PPP2R3B: variants seen among roughly 807,000 people sequenced by gnomAD.
PPP2R3B encodes the protein serine/threonine-protein phosphatase 2A regulatory subunit B'' subunit beta.
A neutral mutation model predicts 72.9 loss-of-function variants in PPP2R3B; 68 were observed. The ratio of observed to expected loss-of-function variants is 0.93; its 90% CI spans 0.77 to 1.14. The LOEUF is 1.14. PPP2R3B is among the 50% of genes most tolerant of loss of function. PPP2R3B has a pLI of 0.00. For missense variants in PPP2R3B, 1,018 were observed against 842.0 expected (o/e 1.21, Z -2.59); for synonymous variants, 466 against 375.8 (o/e 1.24, Z -2.78).
intron 2 of PPP2R3B, among the ~76,000 whole-genome samples, chrX:350,174 G>T (rs1347767543): frequency 1.3e-5 from 2 of 152,176 alleles, no homozygotes; most frequent in Non-Finnish European, 2.9e-5. Context: ...GAGAGCAAGG[G>T]AAGGAAGTGA....
chrX:380,063 C>G, intron 1 of PPP2R3B, among the ~76,000 whole-genome samples: 1 of 152,272 alleles, frequency 6.6e-6, no homozygotes, highest in Admixed American at 6.5e-5. Context: ...TCACCTCATA[C>G]CACGCAGAAA....
chrX:352,778 C>A (rs957110762), intron 2 of PPP2R3B, among the ~76,000 whole-genome samples: 1 of 151,674 alleles, frequency 6.6e-6, no homozygotes, highest in Non-Finnish European at 1.5e-5. Context: ...CAACCACGGC[C>A]GGCAAGTTCA....
chrX:364,605 C>A (rs909167434), intron 1 of PPP2R3B, among the ~76,000 whole-genome samples: 1 of 148,246 alleles, frequency 6.7e-6, no homozygotes, highest in African/African-American at 2.5e-5. Context: ...GTACTCCCAG[C>A]TACTCGGGAG....
intron 2 of PPP2R3B, among the ~76,000 whole-genome samples, chrX:352,419 G>C (rs1272912147): frequency 6.6e-6 from 1 of 152,220 alleles, no homozygotes; most frequent in African/African-American, 2.4e-5. Flanking sequence ...CGTGGCTCCA[G>C]TTCACCTTTT....
intron 1 of PPP2R3B, among the ~76,000 whole-genome samples, chrX:384,515 G>A (rs750583479): frequency 4.0e-5 from 6 of 151,864 alleles, no homozygotes; most frequent in South Asian, 2.1e-4. Context: ...GGCTGGTCTC[G>A]AACTCCTGAA....
intron 1 of PPP2R3B, among the ~76,000 whole-genome samples, chrX:376,890 G>A (rs1203708149): frequency 2.3e-5 from 2 of 85,974 alleles, no homozygotes; most frequent in Admixed American, 1.0e-4. Flanking sequence ...GGGACGGGCC[G>A]TCCACACCCA....
chrX:364,355 C>G (rs764926471), intron 1 of PPP2R3B, among the ~76,000 whole-genome samples: 9 of 152,016 alleles, frequency 5.9e-5, no homozygotes, highest in South Asian at 2.1e-4. Flanking sequence ...GCAAACCAAA[C>G]TCACGGTCAC....
chrX:366,621 A>C (rs867987983), intron 1 of PPP2R3B, among the ~76,000 whole-genome samples: 6 of 8,288 alleles, frequency 7.2e-4, no homozygotes, highest in Non-Finnish European at 1.1e-3. Flanking sequence ...TCGCTTCAAC[A>C]CAGGAGGCAG....
In PPP2R3B at chrX:338,844, G is replaced by A. The variant is rs760872546; in HGVS notation, c.1404C>T (p.Phe468=). The A allele has an allele frequency of 4.5e-5, 73 of 1,612,340 alleles. 1 individual carries two copies. Among genetic ancestry groups the A allele is most frequent in the Admixed American group, 2.7e-4 (16 of 60,002 alleles). Residue 468 remains phenylalanine, a synonymous_variant, in exon 11 of 13, where the codon TTC becomes TTT. Coordinates refer to ENST00000390665, the MANE Select transcript of PPP2R3B (RefSeq NM_013239.5). ...LKRCKLANVF[F]DTFFNIEKYL... ...ACTTCTCGATGTTGAAGAAGGTGTC[G>A]AAGAAGACGTTAGCCAGCTTGCAGC...
intron 6 of PPP2R3B, 82 bp from the exon 7 acceptor site, chrX:345,754 A>T: frequency 4.9e-6 from 4 of 818,158 alleles, no homozygotes; most frequent in African/African-American, 2.3e-5. Flanking sequence ...GGGGCAGGGA[A>T]GGCTGGGAGG....
chrX:341,715 C>A (rs2071082197), intron 8 of PPP2R3B, 168 bp downstream of exon 8: 2 of 792,484 alleles, frequency 2.5e-6, no homozygotes, highest in East Asian at 5.1e-5. Flanking sequence ...TGCCACCCCC[C>A]CCCACTAGGG....
intron 1 of PPP2R3B, among the ~76,000 whole-genome samples, chrX:378,023 C>A (rs1434324597): frequency 6.6e-6 from 1 of 152,142 alleles, no homozygotes; most frequent in Non-Finnish European, 1.5e-5. Context: ...CAGGGACGGG[C>A]CGTCCACACT....
chrX:379,852 G>T lies in PPP2R3B; in HGVS notation c.324+6516C>A, dbSNP rs767704523. On this transcript the variant is annotated intron_variant, in intron 1 of 12. Coordinates refer to ENST00000390665, the MANE Select transcript of PPP2R3B (RefSeq NM_013239.5). ...AAGCAATTTTTAAAGAACAGGCTTG[G>T]ACTCACAGTATCTGCTTTCAAAATT... is the stretch of plus-strand genomic sequence containing the variant. 2.6e-5 allele frequency among the ~76,000 whole-genome samples: 4 copies of T among 152,310 alleles called. No individual in the cohort carries two copies. In the South Asian group the frequency reaches 8.3e-4, roughly 32 times the overall value.
chrX:380,653 C>T (rs560730303), intron 1 of PPP2R3B, among the ~76,000 whole-genome samples: 72 of 151,956 alleles, frequency 4.7e-4, no homozygotes, highest in African/African-American at 1.5e-3. Context: ...GGCGTGGTGG[C>T]GGGTGCCTGT....
chrX:383,661 C>A (rs931121077), intron 1 of PPP2R3B, among the ~76,000 whole-genome samples: 1 of 151,518 alleles, frequency 6.6e-6, no homozygotes, highest in Non-Finnish European at 1.5e-5. Flanking sequence ...CACGGTGAAA[C>A]CCCGTCTCTA....
In PPP2R3B at chrX:382,196, CTTTTTTTTTTTT is replaced by C. The variant is rs769206203; in HGVS notation, c.324+4160_324+4171del. 3.1e-5 allele frequency among the ~76,000 whole-genome samples: 4 copies of C among 130,070 alleles called. No individual in the cohort carries two copies. The East Asian group carries it at 8.9e-4, about 29-fold the overall frequency. 85.3% of individuals were successfully genotyped at this position (130,070 alleles called of 152,430 possible). ...ACCTGAACATCTCATCTTTTTTTTT[CTTTTTTTTTTTT>C]TTTTGAGACAGAGTGTCTCACTCTT... On this transcript the variant is annotated intron_variant, in intron 1 of 12. Coordinates refer to ENST00000390665, the MANE Select transcript of PPP2R3B (RefSeq NM_013239.5).
chrX:342,829 G>A (rs1378149632), intron 7 of PPP2R3B, among the ~76,000 whole-genome samples: 1 of 50,602 alleles, frequency 2.0e-5, no homozygotes, highest in Non-Finnish European at 4.3e-5. Flanking sequence ...CTCAGCAACG[G>A]GAGGCGGGAG....
intron 6 of PPP2R3B, 29 bp from the exon 7 acceptor site, chrX:345,701 C>G: frequency 2.2e-6 from 3 of 1,365,680 alleles, no homozygotes; most frequent in Non-Finnish European, 2.9e-6. Context: ...GGCCTGAGCG[C>G]GGGGCCTCTG....
chrX:371,906 A>G (rs982381418), intron 1 of PPP2R3B, among the ~76,000 whole-genome samples: 1 of 151,620 alleles, frequency 6.6e-6, no homozygotes, highest in Non-Finnish European at 1.5e-5. Context: ...ACTCCCTAAA[A>G]ACGTGGAAAC....
Sources: allele counts gnomAD v4.1 joint callset (sites outside exome capture counted in the v4.1 genomes callset), GRCh38; gene constraint gnomAD v4.1.1; transcripts MANE v1.5; gene names NCBI Gene and HGNC (gene_info 2026-07-23, HGNC 2026-07-21).